Variants in ACOT7 observed in about 807,000 individuals in gnomAD.
The protein encoded by ACOT7 is cytosolic acyl coenzyme A thioester hydrolase.
In ACOT7, 12 loss-of-function variants were observed where a neutral mutation model predicts 40.2. That is an observed-to-expected ratio of 0.30 (90% CI 0.19 to 0.48). ACOT7 has a LOEUF of 0.48. Among genes scored for constraint, ACOT7 ranks in the 20% least tolerant of loss-of-function variants. ACOT7 has a pLI of 0.99. For missense variants in ACOT7, 395 were observed against 530.8 expected, an observed-to-expected ratio of 0.74 and a Z score of 2.51; for synonymous variants, 228 against 219.5, an observed-to-expected ratio of 1.04 and a Z score of -0.34.
chr1:6,357,608 C>G (rs1366308147), intron 1 of ACOT7, among the ~76,000 whole-genome samples: 1 of 152,216 alleles, frequency 6.6e-6, no homozygotes, highest in Non-Finnish European at 1.5e-5. Flanking sequence ...TGCAGACACT[C>G]GGAGCTTCCT....
In ACOT7 at chr1:6,288,405, G is replaced by A. The variant is rs968671132; in HGVS notation, c.829+6459C>T. ...CACACACCTGCTAAGGACCCCGTAG[G>A]TGCTTGGCCGGGCTAGTTGGCGCAA... On this transcript the variant is annotated intron_variant, in intron 7 of 8. Coordinates refer to ENST00000361521, the MANE Select transcript of ACOT7 (RefSeq NM_007274.4). The surrounding 1 kb of genome is among the most constrained non-coding windows in gnomAD (Gnocchi z 4.3). Among the ~76,000 whole-genome samples the A allele has an allele frequency of 3.3e-5, 5 of 152,254 alleles. No homozygotes were observed. Among genetic ancestry groups the A allele is most frequent in the African/African-American group, 1.2e-4 (5 of 41,468 alleles).
Position 6,393,582 on chromosome 1 carries a change from G to T in ACOT7, c.-183C>A, listed in dbSNP as rs1052999225. ...GGCGTACGATTCTGGCGGCGTGGGGGCCCAGGCAGCCGCCGCTTCCAGAAG... is the reference window on the plus strand; with the variant it reads ...GGCGTACGATTCTGGCGGCGTGGGGTCCCAGGCAGCCGCCGCTTCCAGAAG... On this transcript the variant is annotated 5_prime_UTR_variant, in exon 1 of 9. Transcript: ENST00000361521. 6.9e-6 allele frequency: 3 copies of T among 434,768 alleles called. No individual in the cohort carries two copies. Among genetic ancestry groups the T allele is most frequent in the Admixed American group, 4.9e-5 (1 of 20,480 alleles). The allele number at this position is 434,768 out of a possible 1,614,324, so 26.9% of individuals were successfully genotyped here.
chr1:6,378,234 G>A (rs1021081347), intron 1 of ACOT7, among the ~76,000 whole-genome samples: 12 of 150,036 alleles, frequency 8.0e-5, no homozygotes, highest in African/African-American at 2.5e-4. Flanking sequence ...GGAGATTGTC[G>A]GGAGGGGAGG....
intron 6 of ACOT7, chr1:6,295,498 A>G (rs1639788302): frequency 6.5e-6 from 1 of 153,956 alleles, no homozygotes; most frequent in Non-Finnish European, 1.4e-5. Context: ...AGAAACTTGT[A>G]CAGAGCTTTC....
intron 5 of ACOT7, among the ~76,000 whole-genome samples, chr1:6,323,504 G>A (rs558907292): frequency 6.6e-6 from 1 of 152,128 alleles, no homozygotes; most frequent in South Asian, 2.1e-4. Context: ...GATCGCCTGA[G>A]GTCAGGAGTT....
At chr1:6,297,335 G>GGTGCATCTCCATTTTT (rs1329688013) in intron 6 of ACOT7, among the ~76,000 whole-genome samples, 1 of 152,164 alleles carries the variant, frequency 6.6e-6, no homozygotes, top group Non-Finnish European at 1.5e-5. Context: ...ACTGCACCCA[G>GGTGCATCTCCATTTTT]CCAAGGACAC....
intron 1 of ACOT7, among the ~76,000 whole-genome samples, chr1:6,373,563 T>G (rs547872899): frequency 6.6e-6 from 1 of 151,974 alleles, no homozygotes; most frequent in African/African-American, 2.4e-5. Context: ...AACTTTCAAT[T>G]TGTAAAGAAG....
intron 8 of ACOT7, among the ~76,000 whole-genome samples, chr1:6,268,647 G>A (rs1313309040): frequency 6.6e-6 from 1 of 152,240 alleles, no homozygotes; most frequent in Non-Finnish European, 1.5e-5. Context: ...GTTCATAGGT[G>A]TGTGATGGGC....
intron 6 of ACOT7, among the ~76,000 whole-genome samples, chr1:6,297,551 C>A (rs1181417876): frequency 6.6e-6 from 1 of 152,230 alleles, no homozygotes; most frequent in South Asian, 2.1e-4. Flanking sequence ...TAGCGCCCCC[C>A]ATGGGGACCC....
chr1:6,308,326 G>T (rs1640224614), intron 6 of ACOT7, among the ~76,000 whole-genome samples: 1 of 150,830 alleles, frequency 6.6e-6, no homozygotes, highest in Non-Finnish European at 1.5e-5. Flanking sequence ...CTACAACCGG[G>T]CAGAGGGAAC....
intron 5 of ACOT7, among the ~76,000 whole-genome samples, chr1:6,319,342 G>A (rs1296053243): frequency 6.6e-6 from 1 of 152,084 alleles, no homozygotes; most frequent in Non-Finnish European, 1.5e-5. Flanking sequence ...ACAGGCATCT[G>A]CCAGCACACC....
Position 6,311,234 on chromosome 1 carries a change from G to A in ACOT7, c.712+7258C>T, listed in dbSNP as rs76436355. On this transcript the variant is annotated intron_variant, in intron 6 of 8. Transcript: ENST00000361521. The surrounding 1 kb of genome is among the most constrained non-coding windows in gnomAD (Gnocchi z 5.2). ...GCAGAGTTAGTTTTTACTCAGAGCC[G>A]ATGTGATCAGTAAACGTTGAGGTTC... is the stretch of plus-strand genomic sequence containing the variant. Among the ~76,000 whole-genome samples the A allele has an allele frequency of 6.6e-6, 1 of 152,188 alleles. No individual in the cohort carries two copies. Among genetic ancestry groups the A allele is most frequent in the African/African-American group, 2.4e-5 (1 of 41,452 alleles).
At chr1:6,335,911 C>T (rs144807936) in intron 3 of ACOT7, among the ~76,000 whole-genome samples, 1 of 152,342 alleles carries the variant, frequency 6.6e-6, no homozygotes, top group Non-Finnish European at 1.5e-5. Context: ...TCAGCTAGAG[C>T]CAGCCTGACA....
intron 4 of ACOT7, among the ~76,000 whole-genome samples, chr1:6,331,988 G>A (rs1050206941): frequency 6.6e-6 from 1 of 152,186 alleles, no homozygotes; most frequent in Non-Finnish European, 1.5e-5. Flanking sequence ...TGACCGGGGG[G>A]CCACGGGAAG....
intron 6 of ACOT7, among the ~76,000 whole-genome samples, chr1:6,302,143 G>A (rs1324664423): frequency 2.6e-5 from 4 of 152,154 alleles, no homozygotes; most frequent in Non-Finnish European, 5.9e-5. Flanking sequence ...TGGGAAATCA[G>A]GACGGTGTAG....
chr1:6,307,008 C>T (rs1319956894), intron 6 of ACOT7: 11 of 1,033,694 alleles, frequency 1.1e-5, no homozygotes, highest in African/African-American at 1.6e-5. Flanking sequence ...CCTCTGCCTC[C>T]TCCTATAGTC....
At chr1:6,362,010 C>G (rs1641903176) in intron 1 of ACOT7, among the ~76,000 whole-genome samples, 1 of 152,202 alleles carries the variant, frequency 6.6e-6, no homozygotes, top group South Asian at 2.1e-4. Flanking sequence ...TAACCCAAAA[C>G]AAAGTAGAAC....
At chr1:6,381,915 A>G (rs1032115455) in intron 1 of ACOT7, among the ~76,000 whole-genome samples, 10 of 150,898 alleles carry the variant, frequency 6.6e-5, no homozygotes, top group East Asian at 1.9e-4. Flanking sequence ...CAGGTGGATC[A>G]TGAGGTCAGG....
chr1:6,347,340 C>T (rs1018355756), intron 2 of ACOT7, among the ~76,000 whole-genome samples: 2 of 152,188 alleles, frequency 1.3e-5, no homozygotes, highest in East Asian at 3.8e-4. Context: ...CAAGGAGGGG[C>T]AAGTGTTCAA....
Sources: gnomAD v4.1 joint callset for allele counts (sites outside exome capture counted in the v4.1 genomes callset) on GRCh38, gnomAD v4.1.1 for gene constraint, Gnocchi (gnomAD v3.1) non-coding constraint, MANE v1.5 for transcripts, NCBI Gene and HGNC (gene_info 2026-07-23, HGNC 2026-07-21) for gene names.